Variants in PTER observed in about 807,000 individuals in gnomAD.
PTER encodes the protein phosphotriesterase related, also known as N-acetyltaurine hydrolase.
A neutral mutation model predicts 29.6 loss-of-function variants in PTER; 38 were observed. The ratio of observed to expected loss-of-function variants is 1.28; its 90% CI spans 0.99 to 1.68. The LOEUF is 1.68. PTER is among the 40% of genes most tolerant of loss of function. PTER has a pLI of 0.00. For missense variants in PTER, 482 were observed against 427.8 expected (o/e 1.13, Z -1.12); for synonymous variants, 172 against 154.5 (o/e 1.11, Z -0.84).
chr10:16,485,895 G>A (rs575979065), intron 2 of PTER, among the ~76,000 whole-genome samples: 116 of 152,104 alleles, frequency 7.6e-4, no homozygotes, highest in Non-Finnish European at 1.4e-3. Context: ...GGAGTTCCAA[G>A]TCCAGCCTGA....
chr10:16,490,475 CTGTCT>C (rs1433802073), intron 3 of PTER, among the ~76,000 whole-genome samples: 1 of 152,038 alleles, frequency 6.6e-6, no homozygotes, highest in Non-Finnish European at 1.5e-5. Context: ...AGCCCAAGCT[CTGTCT>C]TACTTGGTTC....
At chr10:16,461,250 C>G (rs947230587) in intron 1 of PTER, among the ~76,000 whole-genome samples, 7 of 151,844 alleles carry the variant, frequency 4.6e-5, no homozygotes, top group Admixed American at 2.6e-4. Flanking sequence ...TTTACTGCAG[C>G]TTATTTTTAT....
intron 3 of PTER, among the ~76,000 whole-genome samples, chr10:16,492,563 G>A (rs867040709): frequency 5.3e-5 from 8 of 152,204 alleles, no homozygotes; most frequent in Middle Eastern, 3.4e-3. Flanking sequence ...TTTTTATGAC[G>A]ACAAAATTCT....
intron 1 of PTER, among the ~76,000 whole-genome samples, chr10:16,467,566 C>A (rs145821386): frequency 6.6e-6 from 1 of 152,156 alleles, no homozygotes; most frequent in Non-Finnish European, 1.5e-5. Flanking sequence ...AATCCCAACA[C>A]TTTGGGAGGT....
At chr10:16,498,529 G>C (rs1564407156) in intron 3 of PTER, among the ~76,000 whole-genome samples, 1 of 152,210 alleles carries the variant, frequency 6.6e-6, no homozygotes, top group Non-Finnish European at 1.5e-5. Context: ...GCTGCAGTGA[G>C]CCAAGATCGC....
At chr10:16,496,353 C>G (rs1017805974) in intron 3 of PTER, among the ~76,000 whole-genome samples, 1 of 152,162 alleles carries the variant, frequency 6.6e-6, no homozygotes, top group Non-Finnish European at 1.5e-5. Context: ...CTGGTTCCCT[C>G]GCCTCCCTCC....
chr10:16,490,571 G>A (rs914226636), intron 3 of PTER, among the ~76,000 whole-genome samples: 17 of 151,852 alleles, frequency 1.1e-4, no homozygotes, highest in East Asian at 5.8e-4. Context: ...TCTCTGTCCC[G>A]CGAGCAAGTA....
chr10:16,518,704 G>T (rs1836990006), downstream of PTER, among the ~76,000 whole-genome samples: 2 of 151,996 alleles, frequency 1.3e-5, no homozygotes, highest in Admixed American at 6.5e-5. Flanking sequence ...TTACACATTT[G>T]CTGATAAAAT....
chr10:16,453,527 A>T (rs1471060817), intron 1 of PTER, among the ~76,000 whole-genome samples: 1 of 152,124 alleles, frequency 6.6e-6, no homozygotes, highest in Non-Finnish European at 1.5e-5. Context: ...ATTCTTACTC[A>T]CAAGCAGTAT....
At chr10:16,468,412 C>T (rs563654961) in intron 1 of PTER, among the ~76,000 whole-genome samples, 52 of 151,716 alleles carry the variant, frequency 3.4e-4, no homozygotes, top group African/African-American at 1.2e-3. Flanking sequence ...CTATTAACTA[C>T]ACATTTTTGT....
At chr10:16,438,997 A>G (rs1205600107) in intron 1 of PTER, among the ~76,000 whole-genome samples, 1 of 151,592 alleles carries the variant, frequency 6.6e-6, no homozygotes, top group Non-Finnish European at 1.5e-5. Context: ...TGAGGATAAG[A>G]TCCTGATTTT....
At chr10:16,478,444 C>T (rs1158014520) in intron 1 of PTER, among the ~76,000 whole-genome samples, 1 of 151,520 alleles carries the variant, frequency 6.6e-6, no homozygotes, top group Non-Finnish European at 1.5e-5. Flanking sequence ...AGCGATTATC[C>T]TGCCTCAGGC....
In PTER at chr10:16,505,016, C is replaced by T; in HGVS notation, c.699-4C>T. ...TAACAGTTCATCTGTCGCATTGTTT[C>T]TAGGACTATTCTTGATAAGAAAGAG... On this transcript the variant is annotated splice_polypyrimidine_tract_variant and splice_region_variant and intron_variant, in intron 3 of 4. Transcript: ENST00000535784. 6.2e-7 allele frequency: 1 copy of T among 1,613,690 alleles called. No individual in the cohort carries two copies. Among genetic ancestry groups the T allele is most frequent in the African/African-American group, 1.3e-5 (1 of 75,028 alleles).
intron 1 of PTER, among the ~76,000 whole-genome samples, chr10:16,466,430 A>G (rs1309145624): frequency 6.6e-6 from 1 of 152,096 alleles, no homozygotes; most frequent in Non-Finnish European, 1.5e-5. Context: ...ATCTCAGCTC[A>G]CTGCAACCTC....
rs767419100 is a variant in PTER at position 16,484,340 on chromosome 10, AAAG to A, written c.-42_-40del. 3.4e-6 allele frequency: 5 copies of A among 1,491,400 alleles called. No homozygotes were observed. Among genetic ancestry groups the A allele is most frequent in the Non-Finnish European group, 4.5e-6 (5 of 1,108,198 alleles). The allele number at this position is 1,491,400 out of a possible 1,614,324, so 92.4% of individuals were successfully genotyped here. On this transcript the variant is annotated 5_prime_UTR_variant, in exon 2 of 5. Transcript: ENST00000535784. Reference sequence around the variant, plus strand: ...TTGTTTGTTTGTTTGTTTTTAGAAAAAAGAAATCCTCTTTTTAGAACATCTCTT... The same window carrying A: ...TTGTTTGTTTGTTTGTTTTTAGAAAAAAATCCTCTTTTTAGAACATCTCTT...
At chr10:16,482,840 G>A (rs1835529366) in intron 1 of PTER, among the ~76,000 whole-genome samples, 1 of 151,984 alleles carries the variant, frequency 6.6e-6, no homozygotes, top group Admixed American at 6.6e-5. Flanking sequence ...GGAGTGCAGT[G>A]GCGCGATCTC....
chr10:16,507,865 C>G (rs1269128957), intron 4 of PTER, among the ~76,000 whole-genome samples: 3 of 152,032 alleles, frequency 2.0e-5, no homozygotes, highest in Non-Finnish European at 4.4e-5. Flanking sequence ...TGCCCAGGAA[C>G]CCGATTCAAT....
intron 1 of PTER, among the ~76,000 whole-genome samples, chr10:16,460,250 T>A (rs111386848): frequency 1.2e-3 from 189 of 152,368 alleles, no homozygotes; most frequent in African/African-American, 4.4e-3. Flanking sequence ...TAAGATGTGA[T>A]GTTACCTTGG....
At chr10:16,502,256 CA>C (rs1385303084) in intron 3 of PTER, among the ~76,000 whole-genome samples, 1 of 152,130 alleles carries the variant, frequency 6.6e-6, no homozygotes, top group Non-Finnish European at 1.5e-5. Context: ...TGAATTTACT[CA>C]AAAGGAAAAA....
Sources: gnomAD v4.1 joint callset for allele counts (sites outside exome capture counted in the v4.1 genomes callset) on GRCh38, gnomAD v4.1.1 for gene constraint, MANE v1.5 for transcripts, NCBI Gene and HGNC (gene_info 2026-07-23, HGNC 2026-07-21) for gene names.